The following MGST1 variants were observed in gnomAD, a reference collection of about 807,000 sequenced individuals.
MGST1 encodes glutathione S-transferase 12.
A neutral mutation model predicts 8.9 loss-of-function variants in MGST1; 5 were observed. That is an observed-to-expected ratio of 0.56 (90% CI 0.29 to 1.19). The LOEUF (loss-of-function observed/expected upper bound fraction) is 1.19, where lower values mean the gene tolerates loss of function less well. Ranked by LOEUF, MGST1 falls within the 50% of genes most tolerant of loss-of-function variation. The pLI, the probability that MGST1 is intolerant of heterozygous loss-of-function variation, is 0.08. For missense variants in MGST1, 182 were observed against 187.4 expected (o/e 0.97, Z 0.17); for synonymous variants, 54 against 67.8 (o/e 0.80, Z 1.00).
rs537038721 is a variant in MGST1, at chr12:16,545,769, T to C, written n.483-43759T>C. 2.0e-4 allele frequency among the ~76,000 whole-genome samples: 31 copies of C among 152,184 alleles called. No homozygotes were observed. The East Asian group carries it at 5.0e-3, about 25-fold the overall frequency. The stretch of plus-strand genomic sequence containing the variant: ...AGAAAGAGCTCCCAAACAGATTGCA[T>C]CTAGAAAAATATAATCACTCTCATT... On this transcript the variant is annotated intron_variant and non_coding_transcript_variant, in intron 4 of 4. Coordinates refer to the MGST1 transcript ENST00000538857.
At chr12:16,574,173 A>C (rs1232873025) in intron 4 of MGST1, among the ~76,000 whole-genome samples, 1 of 152,154 alleles carries the variant, frequency 6.6e-6, no homozygotes, top group African/African-American at 2.4e-5. Flanking sequence ...AGTTAGAGGA[A>C]GACAGTAGGG....
chr12:16,474,557 G>T (rs1223356278), intron 4 of MGST1, among the ~76,000 whole-genome samples: 1 of 152,158 alleles, frequency 6.6e-6, no homozygotes, highest in African/African-American at 2.4e-5. Context: ...ATTGTCTTAG[G>T]CCAGGTGGCT....
intron 4 of MGST1, among the ~76,000 whole-genome samples, chr12:16,570,446 A>G (rs926296040): frequency 1.3e-5 from 2 of 152,168 alleles, no homozygotes; most frequent in Non-Finnish European, 2.9e-5. Context: ...CAAATACTGA[A>G]ATTTTCAACA....
chr12:16,451,603 C>T (rs962795204), intron 4 of MGST1, among the ~76,000 whole-genome samples: 2 of 151,596 alleles, frequency 1.3e-5, no homozygotes, highest in African/African-American at 4.8e-5. Context: ...AAAAAGAAAA[C>T]CTGTAAAAAA....
At position 16,560,320 on chromosome 12, in the gene MGST1, TTTAAA is replaced by T; in HGVS notation, n.483-29206_483-29202del. On this transcript the variant is annotated intron_variant and non_coding_transcript_variant, in intron 4 of 4. Transcript: ENST00000538857. The surrounding 1 kb of genome is among the most constrained non-coding windows in gnomAD (Gnocchi z 5.0). ...ACAGAAAAACGCTGAGATTGATTGC[TTTAAA>T]TGTATGAATATAATTTCCACCTATT... 1 of 1,371,726 alleles carries T rather than the reference TTTAAA, an allele frequency of 7.3e-7. No individual in the cohort carries two copies. The allele number at this position is 1,371,726 out of a possible 1,614,324, so 85.0% of individuals were successfully genotyped here.
At chr12:16,386,403 G>A (rs188180352) in intron 1 of MGST1, among the ~76,000 whole-genome samples, 12 of 152,294 alleles carry the variant, frequency 7.9e-5, no homozygotes, top group East Asian at 7.7e-4. Flanking sequence ...TGGATTTAGA[G>A]TGCAAGGGTA....
intron 4 of MGST1, among the ~76,000 whole-genome samples, chr12:16,447,125 T>G (rs556939859): frequency 1.3e-5 from 2 of 151,964 alleles, no homozygotes; most frequent in Non-Finnish European, 2.9e-5. Flanking sequence ...GCAGAAAATT[T>G]ATGCCTTTCC....
chr12:16,504,599 T>C (rs1166956690), intron 4 of MGST1, among the ~76,000 whole-genome samples: 2 of 152,146 alleles, frequency 1.3e-5, no homozygotes, highest in East Asian at 3.9e-4. Context: ...ATAAAGCTAA[T>C]GGGGAGATTA....
chr12:16,508,830 T>A (rs980611102), intron 4 of MGST1, among the ~76,000 whole-genome samples: 1 of 152,188 alleles, frequency 6.6e-6, no homozygotes, highest in Non-Finnish European at 1.5e-5. Context: ...TGCTTGCCTG[T>A]GTTCTAATTG....
chr12:16,523,792 G>A (rs562269934), intron 4 of MGST1, among the ~76,000 whole-genome samples: 2 of 152,190 alleles, frequency 1.3e-5, no homozygotes, highest in Admixed American at 1.3e-4. Flanking sequence ...TTTCTTAACT[G>A]AAACTGACTA....
rs1239147237 is a variant in MGST1 at position 16,389,906 on chromosome 12, GTAGAAAAA to G, written n.778+6303_778+6310del. Among the ~76,000 whole-genome samples the G allele has an allele frequency of 6.6e-5, 10 of 152,286 alleles. No homozygotes were observed. The highest frequency in any genetic ancestry group is 2.1e-4 in the South Asian group (1 of 4,828). On this transcript the variant is annotated intron_variant and non_coding_transcript_variant, in intron 1 of 1. Coordinates refer to the MGST1 transcript ENST00000359720. This position sits in a 1 kb window ranked among gnomAD's most constrained non-coding sequence, Gnocchi z 4.6. Reference sequence around the variant, plus strand: ...TGAAGAGTGAGGCAGGATTGCGTAAGTAGAAAAAGAGAAAAAGAGAGCAATGCTCTTGT... The same window carrying G: ...TGAAGAGTGAGGCAGGATTGCGTAAGGAGAAAAAGAGAGCAATGCTCTTGT...
intron 1 of MGST1, among the ~76,000 whole-genome samples, chr12:16,398,491 T>C (rs1940625243): frequency 6.6e-6 from 1 of 152,346 alleles, no homozygotes; most frequent in African/African-American, 2.4e-5. Context: ...TTGACTTCTT[T>C]GAGCCTTCCT....
rs751924637 is a variant in MGST1, at chr12:16,401,884, G to A, written n.778+18280G>A. The A allele has an allele frequency of 4.4e-6, 7 of 1,603,108 alleles. No homozygotes were observed. The highest frequency in any genetic ancestry group is 6.0e-6 in the Non-Finnish European group (7 of 1,170,060). On this transcript the variant is annotated intron_variant and non_coding_transcript_variant, in intron 1 of 1. Transcript: ENST00000359720. This position sits in a 1 kb window ranked among gnomAD's most constrained non-coding sequence, Gnocchi z 4.3. Reference sequence around the variant, plus strand: ...CCAGCTGCTTTCTTCATTAATTTGAGCTCCCCATCCTCCCTTACAGCGACT... The same window carrying A: ...CCAGCTGCTTTCTTCATTAATTTGAACTCCCCATCCTCCCTTACAGCGACT...
In MGST1 at chr12:16,401,015, G is replaced by T. The variant is rs1940650765; in HGVS notation, n.778+17411G>T. The T allele has an allele frequency of 2.6e-6, 4 of 1,552,616 alleles. No homozygotes were observed. In the African/African-American group the frequency reaches 4.1e-5, roughly 16 times the overall value. On this transcript the variant is annotated intron_variant and non_coding_transcript_variant, in intron 1 of 1. Transcript: ENST00000359720. This position sits in a 1 kb window ranked among gnomAD's most constrained non-coding sequence, Gnocchi z 4.3. ...TTGATGTGCTCTTCACTTCTCTTCTGCAGTCATTTCATTCCTGTTCTTTCT... is the reference window on the plus strand; with the variant it reads ...TTGATGTGCTCTTCACTTCTCTTCTTCAGTCATTTCATTCCTGTTCTTTCT...
At chr12:16,376,178 A>C in exon 4 of MGST1, 1 of 1,013,464 alleles carries the variant, frequency 9.9e-7, no homozygotes, top group Non-Finnish European at 1.5e-6. Flanking sequence ...TTAACTCGGC[A>C]TAACCAATTG....
chr12:16,477,306 A>G (rs1941329955), intron 4 of MGST1, among the ~76,000 whole-genome samples: 1 of 152,168 alleles, frequency 6.6e-6, no homozygotes. Flanking sequence ...TTTTCTTTGA[A>G]TAGCCATATC....
chr12:16,360,469 A>G (rs896644254), intron 3 of MGST1: 1 of 628,918 alleles, frequency 1.6e-6, no homozygotes, highest in Non-Finnish European at 2.0e-6. Context: ...ATACCAAGAT[A>G]TGTGACTTAA....
chr12:16,357,410 T>G, intron 2 of MGST1, 195 bp from the exon 3 acceptor site: 1 of 491,550 alleles, frequency 2.0e-6, no homozygotes. Context: ...CAGGCATGCA[T>G]GTGGCCCACT....
intron 4 of MGST1, among the ~76,000 whole-genome samples, chr12:16,481,963 C>T (rs1941366937): frequency 6.6e-6 from 1 of 151,824 alleles, no homozygotes; most frequent in Non-Finnish European, 1.5e-5. Context: ...CGGAACACCA[C>T]AGTAAAAGAG....
Sources: gnomAD v4.1 joint callset for allele counts (sites outside exome capture counted in the v4.1 genomes callset) on GRCh38, gnomAD v4.1.1 for gene constraint, Gnocchi (gnomAD v3.1) non-coding constraint, MANE v1.5 for transcripts, NCBI Gene and HGNC (gene_info 2026-07-23, HGNC 2026-07-21) for gene names.